Variants in PTPRM observed in about 807,000 individuals in gnomAD.
PTPRM encodes receptor-type tyrosine-protein phosphatase mu.
In PTPRM, 47 loss-of-function variants were observed where a neutral mutation model predicts 186.7. The ratio of observed to expected loss-of-function variants is 0.25; its 90% confidence interval spans 0.20 to 0.32. PTPRM has a LOEUF of 0.32. Among genes scored for constraint, PTPRM ranks in the 10% least tolerant of loss-of-function variants. The pLI, the probability that PTPRM is intolerant of heterozygous loss-of-function variation, is 1.00. For synonymous variants in PTPRM, 668 were observed against 674.9 expected, an observed-to-expected ratio of 0.99 and a Z score of 0.16; for missense variants, 1,494 against 1,865.0, an observed-to-expected ratio of 0.80 and a Z score of 3.66.
intron 1 of PTPRM, among the ~76,000 whole-genome samples, chr18:7,650,932 C>CT (rs35637548): frequency 0.032 from 4,439 of 137,138 alleles, 102 homozygotes; most frequent in Admixed American, 0.07. Flanking sequence ...AGAGAAATAT[C>CT]TTTTTTTTTT....
At chr18:8,279,992 A>T (rs76271542) in intron 19 of PTPRM, among the ~76,000 whole-genome samples, 1 of 152,330 alleles carries the variant, frequency 6.6e-6, no homozygotes, top group African/African-American at 2.4e-5. Context: ...ATTCAGGGTT[A>T]CACATCAGAA....
At chr18:8,302,501 G>T (rs531892290) in intron 20 of PTPRM, among the ~76,000 whole-genome samples, 14 of 152,222 alleles carry the variant, frequency 9.2e-5, no homozygotes, top group Non-Finnish European at 2.1e-4. Flanking sequence ...GGTTGGGGGG[G>T]TGTTAATAAA....
intron 1 of PTPRM, among the ~76,000 whole-genome samples, chr18:7,709,708 G>A (rs565754856): frequency 6.6e-6 from 1 of 152,120 alleles, no homozygotes; most frequent in East Asian, 1.9e-4. Context: ...AATTAGAAAG[G>A]AAACAGGAAA....
At chr18:7,676,541 A>G (rs76730880) in intron 1 of PTPRM, among the ~76,000 whole-genome samples, 51 of 152,096 alleles carry the variant, frequency 3.4e-4, no homozygotes, top group African/African-American at 1.2e-3. Flanking sequence ...CCTCACCAAA[A>G]TTTTATGTCT....
chr18:7,708,573 G>A (rs899281838), intron 1 of PTPRM, among the ~76,000 whole-genome samples: 4 of 151,984 alleles, frequency 2.6e-5, no homozygotes, highest in Non-Finnish European at 5.9e-5. Flanking sequence ...TGTTGAAACT[G>A]GTATAGATTA....
At chr18:8,306,176 C>T (rs1472553519) in intron 20 of PTPRM, among the ~76,000 whole-genome samples, 3 of 152,154 alleles carry the variant, frequency 2.0e-5, no homozygotes, top group Admixed American at 1.3e-4. Context: ...GGATTACAGG[C>T]GTGAGCCACT....
intron 1 of PTPRM, among the ~76,000 whole-genome samples, chr18:7,619,714 A>G (rs1407111256): frequency 6.6e-6 from 1 of 152,198 alleles, no homozygotes; most frequent in African/African-American, 2.4e-5. Flanking sequence ...GGTGGGCAGC[A>G]GGTGTTGGGG....
chr18:7,865,822 T>C (rs556684536), intron 2 of PTPRM, among the ~76,000 whole-genome samples: 1 of 152,286 alleles, frequency 6.6e-6, no homozygotes, highest in African/African-American at 2.4e-5. Context: ...CTGGAGTTTT[T>C]TTTGGTTGGT....
chr18:8,185,995 A>G lies in PTPRM; in HGVS notation c.2300+42216A>G, dbSNP rs149374226. Reference sequence around the variant, plus strand: ...TACTTCTATTTGTTATTTGTTGGACATTTTGTGAAGAGATAGGAAAGAAAT... The same window carrying G: ...TACTTCTATTTGTTATTTGTTGGACGTTTTGTGAAGAGATAGGAAAGAAAT... On this transcript the variant is annotated intron_variant, in intron 14 of 32. Transcript: ENST00000580170. Among the ~76,000 whole-genome samples the G allele has an allele frequency of 3.0e-3, 461 of 152,304 alleles. 1 individual carries two copies. The highest frequency in any genetic ancestry group is 0.011 in the African/African-American group (449 of 41,568).
rs146413142 is a variant in PTPRM, at chr18:7,737,432, A to G, written c.74-36717A>G. On this transcript the variant is annotated intron_variant, in intron 1 of 32. Coordinates refer to ENST00000580170, the MANE Select transcript of PTPRM (RefSeq NM_001105244.2). ...TTTAAACGGAAACTTTTTTGTCTTT[A>G]AATGTTGCCAGTGAATTTGAAACCC... Among the ~76,000 whole-genome samples the G allele has an allele frequency of 6.2e-3, 939 of 152,344 alleles. 6 individuals are homozygous for G. The highest frequency in any genetic ancestry group is 9.4e-3 in the Non-Finnish European group (639 of 68,032).
intron 2 of PTPRM, among the ~76,000 whole-genome samples, chr18:7,830,821 A>G (rs183592061): frequency 6.6e-6 from 1 of 152,192 alleles, no homozygotes; most frequent in East Asian, 1.9e-4. Context: ...AAGCATTTTT[A>G]CCTCTGCACT....
intron 29 of PTPRM, among the ~76,000 whole-genome samples, chr18:8,383,108 G>C (rs533351573): frequency 6.6e-6 from 1 of 151,704 alleles, no homozygotes; most frequent in Non-Finnish European, 1.5e-5. Flanking sequence ...GACCATCCTG[G>C]CCAACATGGT....
At chr18:7,653,687 T>C (rs2038779673) in intron 1 of PTPRM, among the ~76,000 whole-genome samples, 2 of 152,242 alleles carry the variant, frequency 1.3e-5, no homozygotes, top group African/African-American at 4.8e-5. Context: ...ATGGTGTGTA[T>C]GTACTACATT....
chr18:7,867,198 T>C (rs2047751813), intron 2 of PTPRM, among the ~76,000 whole-genome samples: 1 of 152,206 alleles, frequency 6.6e-6, no homozygotes. Context: ...CCCATTTACA[T>C]TTAAGGTTAA....
At chr18:7,647,832 T>A (rs2038601135) in intron 1 of PTPRM, among the ~76,000 whole-genome samples, 1 of 152,188 alleles carries the variant, frequency 6.6e-6, no homozygotes, top group African/African-American at 2.4e-5. Context: ...AGCTCCAAAG[T>A]TGGGGTCGGG....
intron 11 of PTPRM, among the ~76,000 whole-genome samples, chr18:8,097,799 A>G (rs1377061478): frequency 6.6e-6 from 1 of 152,182 alleles, no homozygotes; most frequent in East Asian, 1.9e-4. Flanking sequence ...AAAGAGACCT[A>G]AACAGTGGTC....
intron 1 of PTPRM, among the ~76,000 whole-genome samples, chr18:7,650,949 T>G (rs2038687803): frequency 7.2e-6 from 1 of 138,102 alleles, no homozygotes; most frequent in South Asian, 2.4e-4. Context: ...TTTTTTTTTT[T>G]GAGACAGTGT....
intron 19 of PTPRM, among the ~76,000 whole-genome samples, chr18:8,263,613 G>T (rs945157713): frequency 6.6e-6 from 1 of 152,136 alleles, no homozygotes; most frequent in Non-Finnish European, 1.5e-5. Flanking sequence ...CTAGCCTCAG[G>T]ATGGGGTGGG....
intron 1 of PTPRM, among the ~76,000 whole-genome samples, chr18:7,620,722 T>G (rs1224188870): frequency 6.6e-6 from 1 of 152,160 alleles, no homozygotes; most frequent in African/African-American, 2.4e-5. Flanking sequence ...CACATGGACA[T>G]GATATCACTG....
Sources: allele counts gnomAD v4.1 joint callset (sites outside exome capture counted in the v4.1 genomes callset), GRCh38; gene constraint gnomAD v4.1.1; transcripts MANE v1.5; gene names NCBI Gene and HGNC (gene_info 2026-07-23, HGNC 2026-07-21).